SHANK2: variants seen among roughly 807,000 people sequenced by gnomAD.
SHANK2 encodes SH3 and multiple ankyrin repeat domains 2.
In SHANK2, 43 loss-of-function variants were observed where a neutral mutation model predicts 133.7. The ratio of observed to expected loss-of-function variants is 0.32; its 90% CI spans 0.25 to 0.41. The LOEUF is 0.41. SHANK2 is among the 10% of genes least tolerant of loss of function. The pLI is 1.00. For synonymous variants in SHANK2, 1,017 were observed against 952.8 expected (o/e 1.07, Z -1.24); for missense variants, 1,994 against 2,235.8 (o/e 0.89, Z 2.18).
intron 21 of SHANK2, among the ~76,000 whole-genome samples, chr11:70,496,495 T>G (rs150000832): frequency 1.2e-3 from 182 of 152,280 alleles, no homozygotes; most frequent in African/African-American, 4.1e-3. Flanking sequence ...ATACACCTCA[T>G]GTAACTGTGT....
At chr11:70,914,299 C>T (rs1413116521) in intron 10 of SHANK2, among the ~76,000 whole-genome samples, 1 of 152,044 alleles carries the variant, frequency 6.6e-6, no homozygotes, top group Admixed American at 6.6e-5. Context: ...CTCGGTCTTC[C>T]TCTCAGGTAG....
At chr11:70,823,545 A>G (rs1473497258) in intron 11 of SHANK2, among the ~76,000 whole-genome samples, 38 of 80,848 alleles carry the variant, frequency 4.7e-4, no homozygotes, top group Middle Eastern at 0.013. Context: ...AGAGTTCATG[A>G]GGGACAGAGG....
rs1353619392 is a variant in SHANK2 at position 70,882,333 on chromosome 11, G to A, written c.1174+14168C>T. Among the ~76,000 whole-genome samples the A allele has an allele frequency of 1.3e-5, 2 of 152,218 alleles. No individual in the cohort carries two copies. Among genetic ancestry groups the A allele is most frequent in the African/African-American group, 2.4e-5 (1 of 41,452 alleles). On this transcript the variant is annotated intron_variant, in intron 11 of 25. Coordinates refer to ENST00000601538, the MANE Select transcript of SHANK2 (RefSeq NM_012309.5). The surrounding 1 kb of genome is among the most constrained non-coding windows in gnomAD (Gnocchi z 4.2). The stretch of plus-strand genomic sequence containing the variant: ...GGGGCCACTGCAGTGTGGAAGGCAG[G>A]CAGAAAGGCCCCTGGGCTGTGCCTG...
intron 9 of SHANK2, among the ~76,000 whole-genome samples, chr11:71,071,305 A>C (rs1160547765): frequency 1.3e-5 from 2 of 152,200 alleles, no homozygotes; most frequent in Non-Finnish European, 2.9e-5. Flanking sequence ...ATACCTAGGG[A>C]CACAGCTGCA....
intron 2 of SHANK2, among the ~76,000 whole-genome samples, chr11:71,157,774 A>G (rs1952932383): frequency 6.6e-6 from 1 of 152,200 alleles, no homozygotes; most frequent in South Asian, 2.1e-4. Context: ...ATGCTGGCCT[A>G]CCCATCTCAC....
chr11:70,819,701 CAGGCTCCTGTCA>C (rs1948476989), intron 12 of SHANK2, among the ~76,000 whole-genome samples: 1 of 152,160 alleles, frequency 6.6e-6, no homozygotes, highest in Non-Finnish European at 1.5e-5. Flanking sequence ...GAACGAGGCA[CAGGCTCCTGTCA>C]CCTGGGGCTG....
At chr11:70,641,436 C>T (rs1342851262) in intron 17 of SHANK2, among the ~76,000 whole-genome samples, 1 of 152,150 alleles carries the variant, frequency 6.6e-6, no homozygotes, top group East Asian at 1.9e-4. Flanking sequence ...TAGGAGGATC[C>T]AGTACAAGGC....
chr11:71,112,874 C>A (rs895308542), intron 5 of SHANK2, among the ~76,000 whole-genome samples: 1 of 152,336 alleles, frequency 6.6e-6, no homozygotes, highest in Non-Finnish European at 1.5e-5. Context: ...TGCTCACCTG[C>A]AGTCTAACTT....
intron 24 of SHANK2, among the ~76,000 whole-genome samples, chr11:70,488,156 G>A (rs782502659): frequency 5.9e-5 from 9 of 152,200 alleles, no homozygotes; most frequent in Non-Finnish European, 7.4e-5. Flanking sequence ...GCTAGACCAG[G>A]AGGTATCCTT....
chr11:70,556,529 C>A (rs1554979641), intron 17 of SHANK2, among the ~76,000 whole-genome samples: 1 of 151,940 alleles, frequency 6.6e-6, no homozygotes. Context: ...GATCCTCCTG[C>A]CTTAGCCTCC....
At chr11:71,108,130 A>G (rs535115874) in intron 6 of SHANK2, among the ~76,000 whole-genome samples, 1 of 152,310 alleles carries the variant, frequency 6.6e-6, no homozygotes, top group Non-Finnish European at 1.5e-5. Context: ...CCAAGGCTCA[A>G]GGTCATGCTC....
intron 2 of SHANK2, among the ~76,000 whole-genome samples, chr11:71,217,124 G>T (rs995564705): frequency 5.3e-5 from 8 of 151,794 alleles, no homozygotes; most frequent in Non-Finnish European, 7.4e-5. Context: ...TTGAACCCGG[G>T]GGGTAGAAGA....
At chr11:70,802,959 C>T (rs1555050865) in intron 13 of SHANK2, among the ~76,000 whole-genome samples, 1 of 152,170 alleles carries the variant, frequency 6.6e-6, no homozygotes, top group African/African-American at 2.4e-5. Flanking sequence ...TGACCACGCT[C>T]ACTGTGCTAC....
At position 70,912,099 on chromosome 11, in the gene SHANK2, A is replaced by G. The variant is rs1248188770; in HGVS notation, c.1108-15532T>C. On this transcript the variant is annotated intron_variant, in intron 10 of 25. Coordinates refer to ENST00000601538, the MANE Select transcript of SHANK2 (RefSeq NM_012309.5). ...TCTGTCAAAAAAAAAAAAAAAAAAA[A>G]AAAAAAAAAAAAAAAAGAAAGAAAG... Among the ~76,000 whole-genome samples, 86 of 137,400 alleles carry G rather than the reference A, an allele frequency of 6.3e-4. 1 individual carries two copies. Among genetic ancestry groups the G allele is most frequent in the African/African-American group, 2.6e-3 (84 of 32,210 alleles). 90.1% of individuals were successfully genotyped at this position (137,400 alleles called of 152,430 possible). A position where few individuals can be genotyped will look rare whatever the true frequency, so the allele number is the denominator to read the frequency against.
chr11:71,058,924 G>C (rs1447805132), intron 9 of SHANK2, among the ~76,000 whole-genome samples: 1 of 152,244 alleles, frequency 6.6e-6, no homozygotes, highest in East Asian at 1.9e-4. Flanking sequence ...ATTTGAAAGA[G>C]AGCTGATTGG....
chr11:70,794,758 G>T (rs1372811036), intron 14 of SHANK2, among the ~76,000 whole-genome samples: 1 of 152,054 alleles, frequency 6.6e-6, no homozygotes, highest in Non-Finnish European at 1.5e-5. Context: ...GTTTCACCAT[G>T]TTGGCCAGGA....
rs1014521525 is a variant in SHANK2 at position 70,804,327 on chromosome 11, C to T, written c.1663+2675G>A. Among the ~76,000 whole-genome samples, 5 of 152,308 alleles carry T rather than the reference C, an allele frequency of 3.3e-5. No homozygotes were observed. Among genetic ancestry groups the T allele is most frequent in the African/African-American group, 1.2e-4 (5 of 41,580 alleles). ...CCACCCCACGATGGGGAGGAGGCAC[C>T]GACAGCTCGGCAGGAAGGAAGAGCG... is the stretch of plus-strand genomic sequence containing the variant. On this transcript the variant is annotated intron_variant, in intron 13 of 25. Coordinates refer to ENST00000601538, the MANE Select transcript of SHANK2 (RefSeq NM_012309.5). The surrounding 1 kb of genome is among the most constrained non-coding windows in gnomAD (Gnocchi z 4.1).
At chr11:71,195,391 C>CAAA (rs59797647) in intron 2 of SHANK2, among the ~76,000 whole-genome samples, 1 of 134,726 alleles carries the variant, frequency 7.4e-6, no homozygotes, top group African/African-American at 2.7e-5. Flanking sequence ...GACTCCGTCT[C>CAAA]AAAAAAAAAA....
At chr11:70,640,806 G>A (rs1042141459) in intron 17 of SHANK2, among the ~76,000 whole-genome samples, 4 of 152,230 alleles carry the variant, frequency 2.6e-5, no homozygotes, top group Admixed American at 2.0e-4. Context: ...TCTGTAAAAC[G>A]GAGAGTCAGG....
Sources: gnomAD v4.1 joint callset for allele counts (sites outside exome capture counted in the v4.1 genomes callset) on GRCh38, gnomAD v4.1.1 for gene constraint, Gnocchi (gnomAD v3.1) non-coding constraint, MANE v1.5 for transcripts, NCBI Gene and HGNC (gene_info 2026-07-23, HGNC 2026-07-21) for gene names.